Variants in MFGE8 observed in about 807,000 individuals in gnomAD.
MFGE8 encodes the protein milk fat globule EGF and factor V/VIII domain containing, also known as lactadherin.
Under a neutral mutation model 42.6 loss-of-function variants are expected in MFGE8, and 34 were observed. That is an observed-to-expected ratio of 0.80 (90% CI 0.61 to 1.06). The LOEUF (loss-of-function observed/expected upper bound fraction) is 1.06. MFGE8 is among the 50% of genes least tolerant of loss of function. The probability of loss-of-function intolerance (pLI) is 0.00; values close to 1 mark genes in which losing one functional copy is unlikely to be tolerated. For missense variants in MFGE8, 510 were observed against 516.9 expected (o/e 0.99, Z 0.13); for synonymous variants, 230 against 214.8 (o/e 1.07, Z -0.62).
Position 88,907,331 on chromosome 15 carries a change from G to A in MFGE8, c.251C>T (p.Ser84Leu). The change falls in exon 3 of 8, where the codon TCA (serine) becomes TTA (leucine). Residue 84 changes from serine (S) to leucine (L), a missense_variant. Coordinates refer to ENST00000268150, the MANE Select transcript of MFGE8 (RefSeq NM_005928.4). ...LGLENGNIAN[S>L]QIAASSVRVT... is the part of the protein sequence containing the mutation. ...ACGCACAGACGAGGCGGCGATCTGT[G>A]AGTTGGCAATGTTCCCATTCTCCAG... 1 of 1,614,214 alleles carries A rather than the reference G, an allele frequency of 6.2e-7. No homozygotes were observed. Among genetic ancestry groups the A allele is most frequent in the Non-Finnish European group, 8.5e-7 (1 of 1,180,038 alleles).
chr15:88,913,293 C>A lies in MFGE8; in HGVS notation c.27G>T (p.Ala9=). The A allele has an allele frequency of 6.8e-7, 1 of 1,476,536 alleles. No individual in the cohort carries two copies. Among genetic ancestry groups the A allele is most frequent in the Non-Finnish European group, 8.9e-7 (1 of 1,123,008 alleles). The allele number at this position is 1,476,536 out of a possible 1,614,324, so 91.5% of individuals were successfully genotyped here. The change falls in exon 1 of 8, where the codon GCG becomes GCT. Residue 9 remains alanine, a synonymous_variant. Coordinates refer to ENST00000268150, the MANE Select transcript of MFGE8 (RefSeq NM_005928.4). ...GGGCGCAGAGCAGCGCGCCGCACAG[C>A]GCGGCCAGCAGGCGGGGGCGCGGCA... MPRPRLLA[A]LCGALLCAPS...
Position 88,905,306 on chromosome 15 carries a change from C to T in MFGE8, c.685+451G>A, listed in dbSNP as rs935286086. ...TAATAAATCATTCATCGGGGCCCCACGCCCCTCATTCATTCATTCGCTCAT... is the reference window on the plus strand; with the variant it reads ...TAATAAATCATTCATCGGGGCCCCATGCCCCTCATTCATTCATTCGCTCAT... On this transcript the variant is annotated intron_variant, in intron 5 of 7. Coordinates refer to ENST00000268150, the MANE Select transcript of MFGE8 (RefSeq NM_005928.4). The surrounding 1 kb of genome is among the most constrained non-coding windows in gnomAD (Gnocchi z 6.6). The T allele has an allele frequency of 1.6e-5, 6 of 366,504 alleles. No homozygotes were observed. Among genetic ancestry groups the T allele is most frequent in the Middle Eastern group, 4.2e-4 (1 of 2,354 alleles). 22.7% of individuals were successfully genotyped at this position (366,504 alleles called of 1,614,324 possible). A position where few individuals can be genotyped will look rare whatever the true frequency, so the allele number is the denominator to read the frequency against.
chr15:88,899,312 C>T lies in MFGE8; in HGVS notation c.*83G>A. On this transcript the variant is annotated 3_prime_UTR_variant, in exon 8 of 8. Coordinates refer to ENST00000268150, the MANE Select transcript of MFGE8 (RefSeq NM_005928.4). The surrounding 1 kb of genome is among the most constrained non-coding windows in gnomAD (Gnocchi z 6.8). ...ACCCTCCCCTTCCCCAGTCCCCAGCCCTATGGTGATTTAAAGGGGCTGAGA... is the reference window on the plus strand; with the variant it reads ...ACCCTCCCCTTCCCCAGTCCCCAGCTCTATGGTGATTTAAAGGGGCTGAGA... The T allele has an allele frequency of 6.3e-7, 1 of 1,588,848 alleles. No individual in the cohort carries two copies. Among genetic ancestry groups the T allele is most frequent in the African/African-American group, 1.3e-5 (1 of 74,552 alleles).
At chr15:88,910,751 T>C (rs985439649) in intron 1 of MFGE8, 4 of 153,058 alleles carry the variant, frequency 2.6e-5, no homozygotes, top group African/African-American at 9.7e-5. Context: ...GGGTGTGGTA[T>C]GTTGGAGCAC....
chr15:88,899,691 T>G lies in MFGE8; in HGVS notation c.991A>C (p.Thr331Pro). Residue 331 changes from threonine to proline, a missense_variant, in exon 7 of 8, where the codon ACT becomes CCT. Physicochemically the swap from Thr to Pro is conservative, Grantham distance 38. Coordinates refer to ENST00000268150, the MANE Select transcript of MFGE8 (RefSeq NM_005928.4). The surrounding 1 kb of genome is among the most constrained non-coding windows in gnomAD (Gnocchi z 6.8). Reference protein sequence around the residue: ...VAYSNDSANWTEYQDPRTGSS... With the variant: ...VAYSNDSANWPEYQDPRTGSS... ...CCAGTCCTGGGGTCCTGGTACTCAG[T>G]CCAGTTCGCACTGTCATTACTGTAG... is the stretch of plus-strand genomic sequence containing the variant. 6.2e-7 allele frequency: 1 copy of G among 1,614,148 alleles called. No individual in the cohort carries two copies. The highest frequency in any genetic ancestry group is 8.5e-7 in the Non-Finnish European group (1 of 1,180,024).
At chr15:88,904,199 C>T (rs533526503) in intron 5 of MFGE8, 1 of 152,346 alleles carries the variant, frequency 6.6e-6, no homozygotes, top group East Asian at 1.9e-4. Flanking sequence ...GGAATCATTC[C>T]CTAGAGCCAA....
At chr15:88,912,536 G>GC (rs1348819496) in intron 1 of MFGE8, 1 of 985,242 alleles carries the variant, frequency 1.0e-6, no homozygotes, top group Non-Finnish European at 1.2e-6. Flanking sequence ...CGGGGCATCC[G>GC]CAAGTCCAGC....
chr15:88,902,715 G>A lies in MFGE8; in HGVS notation c.686-980C>T, dbSNP rs1160151909. The A allele has an allele frequency of 2.6e-5, 4 of 152,302 alleles. No homozygotes were observed. Among genetic ancestry groups the A allele is most frequent in the Admixed American group, 6.5e-5 (1 of 15,280 alleles). The allele number at this position is 152,302 out of a possible 1,614,324, so 9.4% of individuals were successfully genotyped here. On this transcript the variant is annotated intron_variant, in intron 5 of 7. Coordinates refer to ENST00000268150, the MANE Select transcript of MFGE8 (RefSeq NM_005928.4). The surrounding 1 kb of genome is among the most constrained non-coding windows in gnomAD (Gnocchi z 4.3). ...GCACCTGCATATGGATAGAACAGTT[G>A]GGGATGGGCAAGAGATACAACTCCC...
In MFGE8 at chr15:88,905,625, C is replaced by G. The variant is rs757153628; in HGVS notation, c.685+132G>C. On this transcript the variant is annotated intron_variant, in intron 5 of 7. Transcript: ENST00000268150. This position sits in a 1 kb window ranked among gnomAD's most constrained non-coding sequence, Gnocchi z 6.6. ...AGGTGACCCCCTAGAGTGCGTTGCC[C>G]GAGTGAAGCCTGGTCCCCGTGCCTT... 6.2e-6 allele frequency: 8 copies of G among 1,280,246 alleles called. No individual in the cohort carries two copies. In the African/African-American group the frequency reaches 1.0e-4, roughly 16 times the overall value. The allele number at this position is 1,280,246 out of a possible 1,614,324, so 79.3% of individuals were successfully genotyped here.
Position 88,901,629 on chromosome 15 carries a change from G to C in MFGE8, c.792C>G (p.Pro264=), listed in dbSNP as rs148944172. The change falls in exon 6 of 8, where the codon CCC becomes CCG. Residue 264 remains proline, a synonymous_variant. Transcript: ENST00000268150. ...TWGLHLFSWN[P]SYARLDKQGN... ...CCTGCTTGTCCAGCCGTGCATAGGA[G>C]GGGTTCCAGCTGAAGAGATGCAAGC... 1.9e-6 allele frequency: 3 copies of C among 1,613,830 alleles called. No individual in the cohort carries two copies. The highest frequency in any genetic ancestry group is 2.2e-5 in the East Asian group (1 of 44,860).
At chr15:88,912,121 T>C (rs1349032631) in intron 1 of MFGE8, 1 of 1,289,822 alleles carries the variant, frequency 7.8e-7, no homozygotes, top group Non-Finnish European at 1.0e-6. Flanking sequence ...CCAGCCACGT[T>C]ACCTGTGTGT....
chr15:88,908,979 T>C (rs1596201451), intron 2 of MFGE8, among the ~76,000 whole-genome samples: 1 of 152,124 alleles, frequency 6.6e-6, no homozygotes, highest in East Asian at 1.9e-4. Context: ...CCCTGTCCCC[T>C]ACCCAAGATG....
In MFGE8 at chr15:88,913,359, G is replaced by A; in HGVS notation, c.-40C>T. The stretch of plus-strand genomic sequence containing the variant: ...GGCGCTGGAATGGGCACGCTGGGCT[G>A]CTCAGACCCCGCGGGGTTCTGGCGC... On this transcript the variant is annotated 5_prime_UTR_variant, in exon 1 of 8. Coordinates refer to ENST00000268150, the MANE Select transcript of MFGE8 (RefSeq NM_005928.4). The A allele has an allele frequency of 7.3e-7, 1 of 1,366,714 alleles. No homozygotes were observed. The highest frequency in any genetic ancestry group is 1.7e-5 in the South Asian group (1 of 60,464). The allele number at this position is 1,366,714 out of a possible 1,614,324, so 84.7% of individuals were successfully genotyped here. A position where few individuals can be genotyped will look rare whatever the true frequency, so the allele number is the denominator to read the frequency against.
At position 88,899,729 on chromosome 15, in the gene MFGE8, G is replaced by A. The variant is rs779683779; in HGVS notation, c.953C>T (p.Ser318Phe). Residue 318 changes from serine (S) to phenylalanine (F), a missense_variant, in exon 7 of 8, where the codon TCC becomes TTC. Coordinates refer to ENST00000268150, the MANE Select transcript of MFGE8 (RefSeq NM_005928.4). This position sits in a 1 kb window ranked among gnomAD's most constrained non-coding sequence, Gnocchi z 6.8. ...RNFGSVQFVA[S>F]YKVAYSNDSA... Reference sequence around the variant, plus strand: ...GTCATTACTGTAGGCAACCTTGTAGGATGCCACAAACTGGACAGAGCCAAA... The same window carrying A: ...GTCATTACTGTAGGCAACCTTGTAGAATGCCACAAACTGGACAGAGCCAAA... The A allele has an allele frequency of 1.9e-6, 3 of 1,614,178 alleles. No homozygotes were observed. The highest frequency in any genetic ancestry group is 1.1e-5 in the South Asian group (1 of 91,084).
intron 6 of MFGE8, chr15:88,900,713 T>C (rs1898320006): frequency 3.0e-6 from 3 of 985,336 alleles, no homozygotes; most frequent in Non-Finnish European, 3.6e-6. Context: ...CTCGGCTTCC[T>C]CATCTATAAA....
At position 88,906,536 on chromosome 15, in the gene MFGE8, T is replaced by C. The variant is rs1176113587; in HGVS notation, c.540+90A>G. The C allele has an allele frequency of 6.8e-7, 1 of 1,479,128 alleles. No individual in the cohort carries two copies. The highest frequency in any genetic ancestry group is 1.1e-5 in the South Asian group (1 of 87,514). 91.6% of individuals were successfully genotyped at this position (1,479,128 alleles called of 1,614,324 possible). On this transcript the variant is annotated intron_variant, in intron 4 of 7. Coordinates refer to ENST00000268150, the MANE Select transcript of MFGE8 (RefSeq NM_005928.4). This position sits in a 1 kb window ranked among gnomAD's most constrained non-coding sequence, Gnocchi z 4.2. ...CCACATCATAGCCAATCACCTAGGG[T>C]TCTCTGGACTCGCTGGGGGTCCTCA...
In MFGE8 at chr15:88,899,277, G is replaced by T; in HGVS notation, c.*118C>A. The stretch of plus-strand genomic sequence containing the variant: ...GGAGGGGTGACTGTGTGGTGGTGCT[G>T]CCTCTGAACACCCTCCCCTTCCCCA... On this transcript the variant is annotated 3_prime_UTR_variant, in exon 8 of 8. Transcript: ENST00000268150. The surrounding 1 kb of genome is among the most constrained non-coding windows in gnomAD (Gnocchi z 6.8). 1 of 1,384,196 alleles carries T rather than the reference G, an allele frequency of 7.2e-7. No homozygotes were observed. The highest frequency in any genetic ancestry group is 1.0e-6 in the Non-Finnish European group (1 of 1,003,116). 85.7% of individuals were successfully genotyped at this position (1,384,196 alleles called of 1,614,324 possible). A position where few individuals can be genotyped will look rare whatever the true frequency, so the allele number is the denominator to read the frequency against.
At chr15:88,904,131 A>T (rs1258082103) in intron 5 of MFGE8, 1 of 152,280 alleles carries the variant, frequency 6.6e-6, no homozygotes, top group Non-Finnish European at 1.5e-5. Flanking sequence ...GCTCTCTGTC[A>T]TCTGCTCCTC....
In MFGE8 at chr15:88,903,818, G is replaced by A. The variant is rs1898544278; in HGVS notation, c.685+1939C>T. ...GTCTGCATTTCTAAGAAGCTCCTAG[G>A]TGATGACACTGCGGGTCCCTGGGGC... On this transcript the variant is annotated intron_variant, in intron 5 of 7. Coordinates refer to ENST00000268150, the MANE Select transcript of MFGE8 (RefSeq NM_005928.4). This position sits in a 1 kb window ranked among gnomAD's most constrained non-coding sequence, Gnocchi z 4.9. 1 of 152,328 alleles carries A rather than the reference G, an allele frequency of 6.6e-6. No individual in the cohort carries two copies. The highest frequency in any genetic ancestry group is 1.5e-5 in the Non-Finnish European group (1 of 68,128). The allele number at this position is 152,328 out of a possible 1,614,324, so 9.4% of individuals were successfully genotyped here.
Sources: gnomAD v4.1 joint callset for allele counts (sites outside exome capture counted in the v4.1 genomes callset) on GRCh38, gnomAD v4.1.1 for gene constraint, Gnocchi (gnomAD v3.1) non-coding constraint, MANE v1.5 for transcripts, NCBI Gene and HGNC (gene_info 2026-07-23, HGNC 2026-07-21) for gene names.